The following TPRG1 variants were observed in gnomAD, a reference collection of about 807,000 sequenced individuals.
The protein encoded by TPRG1 is tumor protein p63-regulated gene 1 protein.
In TPRG1, 29 loss-of-function variants were observed where a neutral mutation model predicts 29.3. The ratio of observed to expected loss-of-function variants is 0.99; its 90% CI spans 0.74 to 1.35. TPRG1 has a LOEUF of 1.35. Ranked by LOEUF, TPRG1 falls within the 40% of genes most tolerant of loss-of-function variation. The pLI is 0.00. For missense variants in TPRG1, 327 were observed against 335.0 expected (o/e 0.98, Z 0.19); for synonymous variants, 130 against 116.8 (o/e 1.11, Z -0.73).
chr3:189,162,896 C>T (rs574692507), intron 5 of TPRG1, among the ~76,000 whole-genome samples: 237 of 152,186 alleles, frequency 1.6e-3, no homozygotes, highest in South Asian at 0.015. Flanking sequence ...AGGTGTTTAC[C>T]GCAGTTTCTG....
At chr3:189,075,309 A>G (rs1717093403) in intron 4 of TPRG1, among the ~76,000 whole-genome samples, 3 of 151,414 alleles carry the variant, frequency 2.0e-5, no homozygotes, top group Admixed American at 6.6e-5. Flanking sequence ...ATTTTCTTGT[A>G]TTTTTAGTAG....
chr3:189,237,998 G>A (rs1026914346), intron 3 of TPRG1, among the ~76,000 whole-genome samples: 62 of 152,246 alleles, frequency 4.1e-4, no homozygotes, highest in African/African-American at 1.4e-3. Context: ...AGAAGCTATT[G>A]TATTTTATTT....
In TPRG1 at chr3:189,021,191, C is replaced by T. The variant is rs1318306775; in HGVS notation, c.-659-2559C>T. 2.6e-4 allele frequency among the ~76,000 whole-genome samples: 39 copies of T among 149,132 alleles called. No individual in the cohort carries two copies. In the East Asian group the frequency reaches 5.0e-3, roughly 19 times the overall value. ...GGGTCTTGACTCTTTATCCAATTTG[C>T]CAGTCTGTGTCTTTTAATTGGAGCA... is the stretch of plus-strand genomic sequence containing the variant. On this transcript the variant is annotated intron_variant, in intron 3 of 10. Transcript: ENST00000433971.
At chr3:189,042,926 C>A (rs1269861625) in intron 4 of TPRG1, among the ~76,000 whole-genome samples, 1 of 152,136 alleles carries the variant, frequency 6.6e-6, no homozygotes, top group Non-Finnish European at 1.5e-5. Context: ...ACCCAAAGAC[C>A]TCCATAAAGG....
Position 189,258,553 on chromosome 3 carries a change from C to T in TPRG1, c.479+19644C>T, listed in dbSNP as rs568021917. ...ACTGTGCTGGGAGATATGCTGCTCT[C>T]GTCAGAGCTGGCAGGCAGGAATGTT... On this transcript the variant is annotated intron_variant, in intron 4 of 5. Transcript: ENST00000345063. Among the ~76,000 whole-genome samples, 30 of 152,290 alleles carry T rather than the reference C, an allele frequency of 2.0e-4. No individual in the cohort carries two copies. In the South Asian group the frequency reaches 4.6e-3, roughly 23 times the overall value.
At chr3:189,189,549 C>G (rs1391220722) in intron 1 of TPRG1, among the ~76,000 whole-genome samples, 3 of 152,126 alleles carry the variant, frequency 2.0e-5, no homozygotes, top group South Asian at 2.1e-4. Context: ...GGAAAGGTCA[C>G]TTATTTCAAA....
intron 3 of TPRG1, among the ~76,000 whole-genome samples, chr3:189,018,208 T>G (rs1157517190): frequency 2.0e-5 from 3 of 147,848 alleles, no homozygotes; most frequent in South Asian, 2.2e-4. Context: ...GTAGTTTCTT[T>G]TGCTGTGCAG....
chr3:189,099,688 A>T (rs368742244), upstream of TPRG1, among the ~76,000 whole-genome samples: 11 of 152,176 alleles, frequency 7.2e-5, no homozygotes, highest in African/African-American at 2.6e-4. Flanking sequence ...CGGTAGCTCA[A>T]TTGCTTAAAA....
chr3:189,190,790 A>T (rs1731577583), intron 1 of TPRG1, among the ~76,000 whole-genome samples: 1 of 152,200 alleles, frequency 6.6e-6, no homozygotes, highest in African/African-American at 2.4e-5. Context: ...ATATATAGAG[A>T]TGGCATTACC....
At chr3:189,273,793 AG>A (rs1392419638) in intron 4 of TPRG1, among the ~76,000 whole-genome samples, 1 of 152,096 alleles carries the variant, frequency 6.6e-6, no homozygotes, top group East Asian at 1.9e-4. Flanking sequence ...TCCAAGCCAT[AG>A]GCCTATATTG....
At chr3:189,089,712 C>G (rs528032982) in intron 4 of TPRG1, among the ~76,000 whole-genome samples, 1 of 152,124 alleles carries the variant, frequency 6.6e-6, no homozygotes, top group South Asian at 2.1e-4. Context: ...CATGATAATG[C>G]ACTAACCCAT....
chr3:189,178,626 G>A (rs533061556), intron 1 of TPRG1, among the ~76,000 whole-genome samples: 1 of 152,334 alleles, frequency 6.6e-6, no homozygotes, highest in African/African-American at 2.4e-5. Context: ...GTTCTGGTAA[G>A]AGTTATCATT....
chr3:189,047,667 C>A (rs1170997654), intron 4 of TPRG1, among the ~76,000 whole-genome samples: 1 of 152,214 alleles, frequency 6.6e-6, no homozygotes, highest in Non-Finnish European at 1.5e-5. Context: ...TGAAACCCTG[C>A]TGCTGCTTTA....
At chr3:189,082,821 ACTGCTGATAATATCC>A (rs955268806) in intron 4 of TPRG1, among the ~76,000 whole-genome samples, 3 of 152,202 alleles carry the variant, frequency 2.0e-5, no homozygotes, top group African/African-American at 7.2e-5. Flanking sequence ...GGAATATTTG[ACTGCTGATAATATCC>A]CTGCTACATT....
rs569338203 is a variant in TPRG1 at position 189,322,196 on chromosome 3, C to T, written c.*1376C>T. On this transcript the variant is annotated 3_prime_UTR_variant, in exon 6 of 6. Coordinates refer to ENST00000345063, the MANE Select transcript of TPRG1 (RefSeq NM_198485.4). ...CTTTGTTGATGTTTAAGTTGAAATT[C>T]CAGCCAACTTTTTTTTGACTTTTAT... The T allele has an allele frequency of 6.6e-6, 1 of 152,026 alleles. No homozygotes were observed. Among genetic ancestry groups the T allele is most frequent in the Non-Finnish European group, 1.5e-5 (1 of 67,968 alleles). 9.4% of individuals were successfully genotyped at this position (152,026 alleles called of 1,614,324 possible).
At chr3:189,254,014 CTTTAG>C (rs974386559) in intron 4 of TPRG1, among the ~76,000 whole-genome samples, 1 of 151,954 alleles carries the variant, frequency 6.6e-6, no homozygotes, top group Non-Finnish European at 1.5e-5. Flanking sequence ...TGCAGAAGCT[CTTTAG>C]TTTAATTAGA....
upstream of TPRG1, among the ~76,000 whole-genome samples, chr3:189,096,622 TGTTA>T (rs1342416679): frequency 6.6e-6 from 1 of 152,224 alleles, no homozygotes; most frequent in Non-Finnish European, 1.5e-5. Flanking sequence ...CTTTTGCTTA[TGTTA>T]GTTAGATCTA....
At chr3:189,316,112 T>C (rs1167819969) in intron 5 of TPRG1, among the ~76,000 whole-genome samples, 1 of 152,182 alleles carries the variant, frequency 6.6e-6, no homozygotes, top group African/African-American at 2.4e-5. Context: ...CACTTGTGTG[T>C]GTGTGCACAT....
chr3:189,296,274 A>G (rs1719902790), intron 4 of TPRG1, among the ~76,000 whole-genome samples: 1 of 152,224 alleles, frequency 6.6e-6, no homozygotes, highest in African/African-American at 2.4e-5. Context: ...TCAAAAGTTA[A>G]TTTGAAAAAC....
Sources: allele counts gnomAD v4.1 joint callset (sites outside exome capture counted in the v4.1 genomes callset), GRCh38; gene constraint gnomAD v4.1.1; transcripts MANE v1.5; gene names NCBI Gene and HGNC (gene_info 2026-07-23, HGNC 2026-07-21).